STK39: variants seen among roughly 807,000 people sequenced by gnomAD.
STK39 encodes serine/threonine kinase 39.
A neutral mutation model predicts 77.8 loss-of-function variants in STK39; 20 were observed. The observed-to-expected ratio is 0.26, with a 90% CI of 0.18 to 0.37. The LOEUF (loss-of-function observed/expected upper bound fraction) is 0.37. Among genes scored for constraint, STK39 ranks in the 10% least tolerant of loss-of-function variants. The pLI is 1.00. For synonymous variants in STK39, 246 were observed against 234.1 expected (o/e 1.05, Z -0.47); for missense variants, 479 against 656.5 (o/e 0.73, Z 2.95).
At chr2:167,973,105 G>T (rs1302329581) in intron 16 of STK39, among the ~76,000 whole-genome samples, 1 of 152,134 alleles carries the variant, frequency 6.6e-6, no homozygotes, top group African/African-American at 2.4e-5. Flanking sequence ...ATATAAAAGA[G>T]CTCTAATTAA....
At chr2:168,171,418 A>G (rs972284658) in intron 2 of STK39, among the ~76,000 whole-genome samples, 1 of 151,532 alleles carries the variant, frequency 6.6e-6, no homozygotes, top group African/African-American at 2.4e-5. Context: ...AAATATGAGG[A>G]GTTGGGAGGA....
At chr2:167,995,560 A>G (rs1002366445) in intron 16 of STK39, among the ~76,000 whole-genome samples, 1 of 152,174 alleles carries the variant, frequency 6.6e-6, no homozygotes, top group African/African-American at 2.4e-5. Flanking sequence ...TATACCTAAG[A>G]ATGTGAGCAC....
intron 1 of STK39, among the ~76,000 whole-genome samples, chr2:168,194,046 T>G (rs1009878421): frequency 6.6e-6 from 1 of 152,188 alleles, no homozygotes; most frequent in Non-Finnish European, 1.5e-5. Context: ...CTCGCCCGCC[T>G]GCAAGCATCC....
At chr2:168,174,470 A>C (rs938295334) in intron 2 of STK39, among the ~76,000 whole-genome samples, 5 of 152,184 alleles carry the variant, frequency 3.3e-5, no homozygotes, top group Non-Finnish European at 7.3e-5. Flanking sequence ...GAAAGCAAAA[A>C]ATACAGTAGT....
intron 2 of STK39, among the ~76,000 whole-genome samples, chr2:168,174,832 T>TAAA (rs397869438): frequency 3.9e-4 from 44 of 112,652 alleles, no homozygotes; most frequent in African/African-American, 1.3e-3. Flanking sequence ...CTTCATCTCT[T>TAAA]AAAAAAAAAA....
intron 14 of STK39, among the ~76,000 whole-genome samples, chr2:168,057,540 G>A (rs768420610): frequency 1.5e-4 from 23 of 151,526 alleles, no homozygotes; most frequent in Non-Finnish European, 2.8e-4. Context: ...ATAATCACAC[G>A]CACGTGCACA....
At chr2:168,186,200 C>A (rs1015451237) in intron 1 of STK39, among the ~76,000 whole-genome samples, 1 of 152,096 alleles carries the variant, frequency 6.6e-6, no homozygotes, top group Admixed American at 6.6e-5. Context: ...TATGAGGACA[C>A]AGCAAGAAGG....
chr2:168,004,508 G>A (rs959865551), intron 16 of STK39, among the ~76,000 whole-genome samples: 6 of 151,916 alleles, frequency 3.9e-5, no homozygotes, highest in Admixed American at 6.6e-5. Context: ...CGAGGCAGGC[G>A]GATCATGAGG....
intron 10 of STK39, among the ~76,000 whole-genome samples, chr2:168,078,287 A>ACG (rs1559086171): frequency 2.7e-5 from 4 of 150,844 alleles, no homozygotes; most frequent in African/African-American, 9.8e-5. Context: ...TTCTGATTCC[A>ACG]AGAAAAGAAG....
chr2:167,967,502 T>C (rs1033877162), intron 16 of STK39, among the ~76,000 whole-genome samples: 6 of 152,216 alleles, frequency 3.9e-5, no homozygotes, highest in Admixed American at 1.3e-4. Context: ...CTGTCAGGGC[T>C]GGAAGTTTCT....
At chr2:167,972,495 C>T (rs532596597) in intron 16 of STK39, among the ~76,000 whole-genome samples, 59 of 152,218 alleles carry the variant, frequency 3.9e-4, no homozygotes, top group Non-Finnish European at 5.6e-4. Flanking sequence ...TTCACAATGG[C>T]GGCCCGGGTT....
At chr2:168,145,892 G>A (rs1688124677) in intron 5 of STK39, among the ~76,000 whole-genome samples, 1 of 152,118 alleles carries the variant, frequency 6.6e-6, no homozygotes, top group South Asian at 2.1e-4. Flanking sequence ...GTTATTATTA[G>A]GGAAAACAGT....
At chr2:168,208,426 T>C (rs1689796433) in intron 1 of STK39, among the ~76,000 whole-genome samples, 1 of 152,206 alleles carries the variant, frequency 6.6e-6, no homozygotes, top group Non-Finnish European at 1.5e-5. Context: ...ACTATCCTTA[T>C]ATTTTTAGTC....
At chr2:168,131,559 C>A (rs542418175) in intron 8 of STK39, among the ~76,000 whole-genome samples, 5 of 152,238 alleles carry the variant, frequency 3.3e-5, no homozygotes, top group Non-Finnish European at 5.9e-5. Context: ...TCTACAGGGG[C>A]CCCAGAAACT....
rs189768664 is a variant in STK39, at chr2:168,040,666, T to G, written c.1376+22834A>C. On this transcript the variant is annotated intron_variant, in intron 14 of 17. Coordinates refer to ENST00000355999, the MANE Select transcript of STK39 (RefSeq NM_013233.3). ...ATATAGACTTTAATTAATAATTATATGAAGTTTCATTTTCATAAGGAAGTA... is the reference window on the plus strand; with the variant it reads ...ATATAGACTTTAATTAATAATTATAGGAAGTTTCATTTTCATAAGGAAGTA... 3.9e-4 allele frequency among the ~76,000 whole-genome samples: 60 copies of G among 152,348 alleles called. 1 individual carries two copies. Among genetic ancestry groups the G allele is most frequent in the African/African-American group, 1.4e-3 (59 of 41,586 alleles).
intron 1 of STK39, among the ~76,000 whole-genome samples, chr2:168,241,542 G>A (rs1187270164): frequency 6.6e-6 from 1 of 152,204 alleles, no homozygotes; most frequent in Non-Finnish European, 1.5e-5. Flanking sequence ...CAGCAGTGGA[G>A]GTGCAAGGGG....
At chr2:168,142,447 A>C in intron 5 of STK39, among the ~76,000 whole-genome samples, 1 of 152,144 alleles carries the variant, frequency 6.6e-6, no homozygotes, top group Non-Finnish European at 1.5e-5. Context: ...TACAGGTAAA[A>C]GCTGCTTTAA....
intron 16 of STK39, among the ~76,000 whole-genome samples, chr2:167,970,975 T>C (rs1692324894): frequency 6.6e-6 from 1 of 152,250 alleles, no homozygotes; most frequent in African/African-American, 2.4e-5. Context: ...TTGTGAATCA[T>C]TCATTGCTCA....
At chr2:168,153,088 G>T (rs755026959) in intron 5 of STK39, among the ~76,000 whole-genome samples, 4 of 152,198 alleles carry the variant, frequency 2.6e-5, no homozygotes, top group African/African-American at 4.8e-5. Flanking sequence ...AATCTTCAAA[G>T]AATCTGCAGA....
Sources: gnomAD v4.1 joint callset for allele counts (sites outside exome capture counted in the v4.1 genomes callset) on GRCh38, gnomAD v4.1.1 for gene constraint, MANE v1.5 for transcripts, NCBI Gene and HGNC (gene_info 2026-07-23, HGNC 2026-07-21) for gene names.